Variants in SUCLG2 observed in about 807,000 individuals in gnomAD.
SUCLG2 encodes the protein succinate-CoA ligase GDP-forming subunit beta.
SUCLG2 carries 42 observed loss-of-function variants against 47.9 expected under a neutral mutation model. The observed-to-expected ratio is 0.88, with a 90% CI of 0.69 to 1.14. SUCLG2 has a LOEUF of 1.14. Ranked by LOEUF, SUCLG2 falls within the 50% of genes most tolerant of loss-of-function variation. The pLI is 0.00. For missense variants in SUCLG2, 571 were observed against 525.9 expected, an observed-to-expected ratio of 1.09 and a Z score of -0.84; for synonymous variants, 195 against 197.3, an observed-to-expected ratio of 0.99 and a Z score of 0.10.
intron 10 of SUCLG2, among the ~76,000 whole-genome samples, chr3:67,367,562 A>G (rs1701892963): frequency 6.6e-6 from 1 of 152,216 alleles, no homozygotes; most frequent in African/African-American, 2.4e-5. Context: ...GTGTGTCTCA[A>G]CCTTGGCACT....
chr3:67,393,783 G>C (rs569207139), intron 10 of SUCLG2, among the ~76,000 whole-genome samples: 125 of 152,268 alleles, frequency 8.2e-4, no homozygotes, highest in Middle Eastern at 3.4e-3. Flanking sequence ...AGCAGGGGCA[G>C]ACTGACACCT....
intron 1 of SUCLG2, among the ~76,000 whole-genome samples, chr3:67,653,672 G>C (rs773037553): frequency 1.3e-5 from 2 of 152,220 alleles, no homozygotes; most frequent in Non-Finnish European, 2.9e-5. Flanking sequence ...AAAGGGAAGA[G>C]AGATAGTCTA....
intron 9 of SUCLG2, among the ~76,000 whole-genome samples, chr3:67,430,656 T>G (rs979818126): frequency 2.6e-5 from 4 of 151,926 alleles, no homozygotes; most frequent in Non-Finnish European, 4.4e-5. Context: ...AATCAATGAA[T>G]CCAGGAGTTG....
At chr3:67,496,008 C>T (rs1705331172) in intron 8 of SUCLG2, 68 bp from the exon 9 acceptor site, 1 of 1,590,590 alleles carries the variant, frequency 6.3e-7, no homozygotes. Flanking sequence ...TAAACATTTT[C>T]CCTCCCCCAT....
intron 9 of SUCLG2, chr3:67,408,859 T>A: frequency 7.0e-7 from 1 of 1,430,512 alleles, no homozygotes; most frequent in Non-Finnish European, 9.1e-7. Context: ...ATTAAGGCGG[T>A]CTTACTGTAA....
chr3:67,396,641 A>T (rs1291596305), intron 10 of SUCLG2, among the ~76,000 whole-genome samples: 1 of 152,140 alleles, frequency 6.6e-6, no homozygotes, highest in Non-Finnish European at 1.5e-5. Flanking sequence ...TAATCAATAG[A>T]AAAAGAGGGA....
intron 9 of SUCLG2, among the ~76,000 whole-genome samples, chr3:67,406,661 C>T (rs1371933600): frequency 6.6e-6 from 1 of 152,152 alleles, no homozygotes; most frequent in East Asian, 1.9e-4. Context: ...GTCCCTGGGG[C>T]CTGAGAAGTA....
intron 2 of SUCLG2, among the ~76,000 whole-genome samples, chr3:67,553,859 T>A (rs1361377439): frequency 6.6e-6 from 1 of 152,234 alleles, no homozygotes; most frequent in Admixed American, 6.5e-5. Context: ...GTTACTTTAA[T>A]ATTCCGAGTT....
At chr3:67,646,815 G>C (rs1476342436) in intron 1 of SUCLG2, among the ~76,000 whole-genome samples, 1 of 152,074 alleles carries the variant, frequency 6.6e-6, no homozygotes, top group African/African-American at 2.4e-5. Context: ...CGATGCCAAA[G>C]TCGCCCAAAT....
downstream of SUCLG2, among the ~76,000 whole-genome samples, chr3:67,370,102 A>G (rs913182735): frequency 1.3e-5 from 2 of 152,166 alleles, no homozygotes; most frequent in African/African-American, 4.8e-5. Context: ...TGAAATTCAC[A>G]CGCAATATTC....
intron 9 of SUCLG2, among the ~76,000 whole-genome samples, chr3:67,448,959 TAGAC>T (rs1422712730): frequency 6.6e-6 from 1 of 152,202 alleles, no homozygotes; most frequent in East Asian, 1.9e-4. Context: ...ATTGTAACAA[TAGAC>T]AGATGGAAGT....
rs376537793 is a variant in SUCLG2, at chr3:67,597,202, C to A, written c.226+12253G>T. ...CCCTGGACATAAGGCTGGCAACAGG[C>A]AAAGACACCGAGTTGATGTGTCCCT... On this transcript the variant is annotated intron_variant, in intron 2 of 10. Transcript: ENST00000307227. 3.9e-5 allele frequency among the ~76,000 whole-genome samples: 6 copies of A among 152,316 alleles called. No homozygotes were observed. The East Asian group carries it at 9.6e-4, about 24-fold the overall frequency.
At chr3:67,428,443 C>G (rs1271816398) in intron 9 of SUCLG2, among the ~76,000 whole-genome samples, 1 of 152,126 alleles carries the variant, frequency 6.6e-6, no homozygotes, top group Non-Finnish European at 1.5e-5. Context: ...CCCATCTGTG[C>G]GTCACCATCA....
chr3:67,594,745 T>C (rs1236298474), intron 2 of SUCLG2, among the ~76,000 whole-genome samples: 1 of 152,236 alleles, frequency 6.6e-6, no homozygotes, highest in South Asian at 2.1e-4. Flanking sequence ...TCTGGTGTGA[T>C]GGGTAAAAGA....
chr3:67,628,503 A>G (rs933409070), intron 1 of SUCLG2, among the ~76,000 whole-genome samples: 1 of 152,132 alleles, frequency 6.6e-6, no homozygotes, highest in South Asian at 2.1e-4. Context: ...TGACCACAGG[A>G]CTTTTTGGTG....
chr3:67,511,414 C>T (rs972096995), intron 6 of SUCLG2, among the ~76,000 whole-genome samples: 1 of 152,152 alleles, frequency 6.6e-6, no homozygotes, highest in Non-Finnish European at 1.5e-5. Context: ...TGGGAGGTAA[C>T]TGAATCATGG....
At chr3:67,581,644 A>G (rs1281740276) in intron 2 of SUCLG2, among the ~76,000 whole-genome samples, 1 of 152,222 alleles carries the variant, frequency 6.6e-6, no homozygotes, top group Non-Finnish European at 1.5e-5. Flanking sequence ...ACAGATGAAA[A>G]GAAAACAAAG....
chr3:67,644,909 C>T (rs1476999353), intron 1 of SUCLG2, among the ~76,000 whole-genome samples: 1 of 152,068 alleles, frequency 6.6e-6, no homozygotes, highest in Non-Finnish European at 1.5e-5. Flanking sequence ...TAAATTATGA[C>T]AATGTTGCTT....
chr3:67,471,991 C>T (rs1704617664), intron 9 of SUCLG2, among the ~76,000 whole-genome samples: 1 of 152,010 alleles, frequency 6.6e-6, no homozygotes, highest in Non-Finnish European at 1.5e-5. Context: ...TCCTTAATGA[C>T]CTTGTTTTAA....
Sources: allele counts gnomAD v4.1 joint callset (sites outside exome capture counted in the v4.1 genomes callset), GRCh38; gene constraint gnomAD v4.1.1; transcripts MANE v1.5; gene names NCBI Gene and HGNC (gene_info 2026-07-23, HGNC 2026-07-21).